The following ROBO2 variants were observed in gnomAD, a reference collection of about 807,000 sequenced individuals.
ROBO2 encodes roundabout homolog 2.
In ROBO2, 53 loss-of-function variants were observed where a neutral mutation model predicts 160.8. That is an observed-to-expected ratio of 0.33 (90% CI 0.26 to 0.41). The LOEUF is 0.41. Among genes scored for constraint, ROBO2 ranks in the 10% least tolerant of loss-of-function variants. The pLI, the probability that ROBO2 is intolerant of heterozygous loss-of-function variation, is 1.00. For synonymous variants in ROBO2, 664 were observed against 611.7 expected (o/e 1.09, Z -1.26); for missense variants, 1,577 against 1,722.4 (o/e 0.92, Z 1.49).
At chr3:76,033,060 A>G (rs2066979522) in intron 2 of ROBO2, among the ~76,000 whole-genome samples, 1 of 152,002 alleles carries the variant, frequency 6.6e-6, no homozygotes, top group Admixed American at 6.6e-5. Flanking sequence ...AAAAGTAAGA[A>G]TAAATAGTAC....
At chr3:76,256,528 G>A (rs572645070) in intron 2 of ROBO2, among the ~76,000 whole-genome samples, 7 of 151,868 alleles carry the variant, frequency 4.6e-5, no homozygotes, top group Non-Finnish European at 8.8e-5. Context: ...GCAATATGGC[G>A]AAATCCTGTC....
chr3:76,444,298 TTATATG>T (rs1343812348), intron 2 of ROBO2, among the ~76,000 whole-genome samples: 2 of 152,058 alleles, frequency 1.3e-5, no homozygotes, highest in African/African-American at 2.4e-5. Flanking sequence ...TTTAAGATAA[TTATATG>T]TATATTTGAA....
chr3:76,908,352 C>G (rs1205300065), intron 2 of ROBO2, among the ~76,000 whole-genome samples: 1 of 152,108 alleles, frequency 6.6e-6, no homozygotes, highest in African/African-American at 2.4e-5. Context: ...TGGTACTGTT[C>G]CAACTTTAAT....
At chr3:77,379,054 T>A (rs2153484490) in intron 2 of ROBO2, among the ~76,000 whole-genome samples, 1 of 152,176 alleles carries the variant, frequency 6.6e-6, no homozygotes, top group East Asian at 1.9e-4. Context: ...TTCAAGCGAT[T>A]CTCCTGTCTC....
At chr3:77,607,194 G>C (rs952911403) in intron 20 of ROBO2, among the ~76,000 whole-genome samples, 2 of 152,052 alleles carry the variant, frequency 1.3e-5, no homozygotes, top group African/African-American at 2.4e-5. Context: ...GCTTAAAATA[G>C]CTAAGAACTA....
chr3:76,464,012 G>A (rs2078235495), intron 2 of ROBO2, among the ~76,000 whole-genome samples: 1 of 152,128 alleles, frequency 6.6e-6, no homozygotes, highest in Admixed American at 6.6e-5. Flanking sequence ...GAGGAGAGAA[G>A]GAGAATAATA....
intron 2 of ROBO2, among the ~76,000 whole-genome samples, chr3:76,260,218 A>T (rs1406665046): frequency 6.6e-6 from 1 of 152,124 alleles, no homozygotes; most frequent in Non-Finnish European, 1.5e-5. Context: ...GAACTTGTGG[A>T]TGGTTCTAGA....
At chr3:76,555,740 A>C (rs190602822) in intron 2 of ROBO2, among the ~76,000 whole-genome samples, 1 of 152,234 alleles carries the variant, frequency 6.6e-6, no homozygotes, top group East Asian at 1.9e-4. Flanking sequence ...AGAAGTAATG[A>C]GTAATTAGTT....
intron 2 of ROBO2, among the ~76,000 whole-genome samples, chr3:77,026,413 C>A (rs1403376646): frequency 1.3e-5 from 2 of 152,172 alleles, no homozygotes; most frequent in Admixed American, 1.3e-4. Flanking sequence ...CAGCTGCTAA[C>A]AATGGGACAG....
chr3:76,702,537 C>G (rs1054196855), intron 2 of ROBO2, among the ~76,000 whole-genome samples: 22 of 110,570 alleles, frequency 2.0e-4, no homozygotes, highest in African/African-American at 9.5e-4. Flanking sequence ...GACAGAGAGA[C>G]AGAGAGAAAT....
At chr3:77,637,237 A>ATTATAT (rs2095279236) in intron 24 of ROBO2, among the ~76,000 whole-genome samples, 1 of 152,216 alleles carries the variant, frequency 6.6e-6, no homozygotes, top group Non-Finnish European at 1.5e-5. Flanking sequence ...AGTCCTTAGC[A>ATTATAT]CACTTACACT....
At chr3:76,581,728 A>AAGG (rs956201120) in intron 2 of ROBO2, among the ~76,000 whole-genome samples, 11 of 152,214 alleles carry the variant, frequency 7.2e-5, no homozygotes, top group African/African-American at 2.7e-4. Context: ...TTTTAAATTT[A>AAGG]AGGAGTTTAA....
chr3:77,058,839 T>TA (rs1479001957), intron 1 of ROBO2, among the ~76,000 whole-genome samples: 8 of 152,008 alleles, frequency 5.3e-5, no homozygotes, highest in African/African-American at 1.9e-4. Context: ...CACCTGGCCT[T>TA]AGTTGCTTTT....
intron 2 of ROBO2, among the ~76,000 whole-genome samples, chr3:76,047,186 C>T (rs961603890): frequency 1.3e-5 from 2 of 152,102 alleles, no homozygotes; most frequent in African/African-American, 4.8e-5. Context: ...GAGCTGAAAC[C>T]TCCCCCCAGA....
At chr3:77,422,638 C>A (rs72899164) in intron 2 of ROBO2, among the ~76,000 whole-genome samples, 2,313 of 152,206 alleles carry the variant, frequency 0.015, 67 homozygotes, top group African/African-American at 0.052. Context: ...TATTTTCTTG[C>A]AAAACATAGC....
intron 2 of ROBO2, among the ~76,000 whole-genome samples, chr3:77,209,865 C>G (rs1200279679): frequency 6.6e-6 from 1 of 152,068 alleles, no homozygotes; most frequent in East Asian, 1.9e-4. Flanking sequence ...CTTATTGTGT[C>G]CAGAGTGGGG....
intron 6 of ROBO2, among the ~76,000 whole-genome samples, chr3:77,541,074 G>C (rs77757600): frequency 9.2e-5 from 14 of 152,074 alleles, no homozygotes; most frequent in Non-Finnish European, 1.8e-4. Flanking sequence ...CAAAAAATTC[G>C]AAATGGCAAT....
At chr3:76,290,014 T>C (rs143703919) in intron 2 of ROBO2, among the ~76,000 whole-genome samples, 2,673 of 152,224 alleles carry the variant, frequency 0.018, 40 homozygotes, top group Middle Eastern at 0.054. Flanking sequence ...TAGTTTTTTT[T>C]CCCTAATTCT....
intron 2 of ROBO2, among the ~76,000 whole-genome samples, chr3:77,025,764 T>A (rs543462688): frequency 2.6e-5 from 4 of 152,296 alleles, no homozygotes; most frequent in African/African-American, 9.6e-5. Flanking sequence ...CCTGGAGCAC[T>A]TACTGAAGAT....
Sources: gnomAD v4.1 joint callset for allele counts (sites outside exome capture counted in the v4.1 genomes callset) on GRCh38, gnomAD v4.1.1 for gene constraint, MANE v1.5 for transcripts, NCBI Gene and HGNC (gene_info 2026-07-23, HGNC 2026-07-21) for gene names.